Variants in WWP2 observed in about 807,000 individuals in gnomAD.
WWP2 encodes the protein NEDD4-like E3 ubiquitin-protein ligase WWP2.
A neutral mutation model predicts 121.0 loss-of-function variants in WWP2; 57 were observed. The ratio of observed to expected loss-of-function variants is 0.47; its 90% CI spans 0.38 to 0.59. The LOEUF is 0.59. WWP2 is among the 20% of genes least tolerant of loss of function. The pLI, the probability that WWP2 is intolerant of heterozygous loss-of-function variation, is 0.00. For synonymous variants in WWP2, 449 were observed against 441.3 expected, an observed-to-expected ratio of 1.02 and a Z score of -0.22; for missense variants, 962 against 1,158.9, an observed-to-expected ratio of 0.83 and a Z score of 2.47.
At chr16:69,883,712 T>A (rs1449055580) in intron 7 of WWP2, among the ~76,000 whole-genome samples, 1 of 152,134 alleles carries the variant, frequency 6.6e-6, no homozygotes, top group Admixed American at 6.6e-5. Flanking sequence ...TTCTTTCTGA[T>A]GCTCTCCCTC....
chr16:69,925,152 T>G lies in WWP2; in HGVS notation c.1180-278T>G, dbSNP rs1024604185. Reference sequence around the variant, plus strand: ...CCTGCCTCCGCCACCCTGGCACACCTTCACCCGCGTACCGCCTCCTCCCCG... The same window carrying G: ...CCTGCCTCCGCCACCCTGGCACACCGTCACCCGCGTACCGCCTCCTCCCCG... On this transcript the variant is annotated intron_variant, in intron 10 of 23. Coordinates refer to ENST00000359154, the MANE Select transcript of WWP2 (RefSeq NM_001270454.2). This position sits in a 1 kb window ranked among gnomAD's most constrained non-coding sequence, Gnocchi z 4.0. 2 of 1,199,974 alleles carry G rather than the reference T, an allele frequency of 1.7e-6. No homozygotes were observed. The highest frequency in any genetic ancestry group is 1.0e-6 in the Non-Finnish European group (1 of 962,266). 74.3% of individuals were successfully genotyped at this position (1,199,974 alleles called of 1,614,324 possible). A position where few individuals can be genotyped will look rare whatever the true frequency, so the allele number is the denominator to read the frequency against.
At chr16:69,905,395 T>C (rs143191483) in intron 8 of WWP2, among the ~76,000 whole-genome samples, 2 of 152,232 alleles carry the variant, frequency 1.3e-5, no homozygotes, top group East Asian at 1.9e-4. Context: ...GAGCAGAAGA[T>C]TGTGATTAAA....
chr16:69,816,218 T>G lies in WWP2; in HGVS notation c.340+16923T>G, dbSNP rs568476712. Among the ~76,000 whole-genome samples the G allele has an allele frequency of 1.1e-4, 17 of 152,208 alleles. No homozygotes were observed. The South Asian group carries it at 3.5e-3, about 32-fold the overall frequency. ...TTCTCTTGCTCCCTAAATTGAACAT[T>G]ATTATTAATATTTTGTATGACTGTA... On this transcript the variant is annotated intron_variant, in intron 4 of 23. Transcript: ENST00000359154.
intron 4 of WWP2, among the ~76,000 whole-genome samples, chr16:69,806,645 AT>A (rs960243885): frequency 1.3e-5 from 2 of 151,426 alleles, no homozygotes; most frequent in African/African-American, 4.9e-5. Flanking sequence ...TTGTTAACTC[AT>A]TTTTTTCTGA....
chr16:69,798,039 T>C (rs1176028168), intron 2 of WWP2, among the ~76,000 whole-genome samples: 1 of 152,216 alleles, frequency 6.6e-6, no homozygotes, highest in Non-Finnish European at 1.5e-5. Flanking sequence ...CTTTACACCA[T>C]GCGTTTTTAA....
intron 10 of WWP2, among the ~76,000 whole-genome samples, chr16:69,918,884 C>G (rs1168274197): frequency 1.4e-5 from 2 of 145,024 alleles, no homozygotes; most frequent in Non-Finnish European, 3.0e-5. Context: ...TGCTCTGTTG[C>G]CCATGCTGGA....
At position 69,796,528 on chromosome 16, in the gene WWP2, G is replaced by A. The variant is rs76982134; in HGVS notation, c.71-2154G>A. On this transcript the variant is annotated intron_variant, in intron 2 of 23. Transcript: ENST00000359154. The stretch of plus-strand genomic sequence containing the variant: ...CTCACTGCCGCTGCCCAGTAGTACC[G>A]CATATGACTATTCTGCGAAAAGACC... Among the ~76,000 whole-genome samples, 297 of 152,330 alleles carry A rather than the reference G, an allele frequency of 1.9e-3. 1 individual carries two copies. The highest frequency in any genetic ancestry group is 6.8e-3 in the African/African-American group (284 of 41,572).
chr16:69,830,620 A>G (rs1437911584), intron 4 of WWP2, among the ~76,000 whole-genome samples: 1 of 152,108 alleles, frequency 6.6e-6, no homozygotes, highest in African/African-American at 2.4e-5. Context: ...ACCCTGCCAG[A>G]GTGTGAGTGT....
At chr16:69,829,756 C>T (rs1306404626) in intron 4 of WWP2, among the ~76,000 whole-genome samples, 2 of 152,182 alleles carry the variant, frequency 1.3e-5, no homozygotes, top group East Asian at 1.9e-4. Flanking sequence ...ACTTCCACTT[C>T]TCCCACTGAA....
chr16:69,838,057 A>G (rs1041046906), intron 4 of WWP2, among the ~76,000 whole-genome samples: 2 of 152,110 alleles, frequency 1.3e-5, no homozygotes, highest in Non-Finnish European at 2.9e-5. Context: ...CCATGTCTCT[A>G]TAAAAAAAAA....
Position 69,937,088 on chromosome 16 carries a change from A to G in WWP2, c.2118-30A>G. ...GCCACCCCTGAGCAGTGGGTCTCAG[A>G]CTCCACCCATGGCTGCTCTTTGGTC... On this transcript the variant is annotated intron_variant, in intron 19 of 23. Transcript: ENST00000359154. The surrounding 1 kb of genome is among the most constrained non-coding windows in gnomAD (Gnocchi z 6.6). The G allele has an allele frequency of 6.2e-7, 1 of 1,611,226 alleles. No homozygotes were observed.
At chr16:69,822,513 CTT>C (rs1421562404) in intron 4 of WWP2, among the ~76,000 whole-genome samples, 1 of 151,988 alleles carries the variant, frequency 6.6e-6, no homozygotes, top group Admixed American at 6.6e-5. Context: ...TCATGGGAGA[CTT>C]TGCCTGGCCT....
intron 7 of WWP2, among the ~76,000 whole-genome samples, chr16:69,884,160 G>A (rs1377974921): frequency 3.3e-5 from 5 of 152,182 alleles, no homozygotes; most frequent in Admixed American, 2.6e-4. Flanking sequence ...ACACACATGT[G>A]TATGCACACA....
At chr16:69,866,288 T>C in intron 6 of WWP2, among the ~76,000 whole-genome samples, 1 of 144,584 alleles carries the variant, frequency 6.9e-6, no homozygotes, top group South Asian at 2.1e-4. Context: ...ATTTATTTAT[T>C]TATTTATTTA....
At chr16:69,858,198 G>A (rs138940898) in intron 6 of WWP2, among the ~76,000 whole-genome samples, 2,959 of 152,082 alleles carry the variant, frequency 0.019, 42 homozygotes, top group Non-Finnish European at 0.031. Flanking sequence ...GGAGACTTCC[G>A]AGGAGTTATT....
chr16:69,813,183 A>T (rs1181521647), intron 4 of WWP2, among the ~76,000 whole-genome samples: 1 of 134,368 alleles, frequency 7.4e-6, no homozygotes, highest in Admixed American at 7.8e-5. Context: ...TTTTTTTGAG[A>T]TGGAGTTTTG....
In WWP2 at chr16:69,820,823, TATACAC is replaced by T. The variant is rs758836126; in HGVS notation, c.341-19301_341-19296del. On this transcript the variant is annotated intron_variant, in intron 4 of 23. Coordinates refer to ENST00000359154, the MANE Select transcript of WWP2 (RefSeq NM_001270454.2). ...CAACACAAAACCATGAATACATGCA[TATACAC>T]ACACACACACACACACACACACACA... Among the ~76,000 whole-genome samples, 1,047 of 122,938 alleles carry T rather than the reference TATACAC, an allele frequency of 8.5e-3. 8 individuals are homozygous for T. Among genetic ancestry groups the T allele is most frequent in the Admixed American group, 0.018 (194 of 10,958 alleles). 80.7% of individuals were successfully genotyped at this position (122,938 alleles called of 152,430 possible). A position where few individuals can be genotyped will look rare whatever the true frequency, so the allele number is the denominator to read the frequency against.
At chr16:69,911,719 TG>T (rs1237176464) in intron 9 of WWP2, among the ~76,000 whole-genome samples, 1 of 152,180 alleles carries the variant, frequency 6.6e-6, no homozygotes, top group African/African-American at 2.4e-5. Context: ...ACATGTGGCT[TG>T]AACATGTGTT....
At chr16:69,800,568 C>CT (rs11308765) in intron 4 of WWP2, among the ~76,000 whole-genome samples, 64 of 139,718 alleles carry the variant, frequency 4.6e-4, no homozygotes, top group South Asian at 9.2e-4. Context: ...ATTGTTTTTT[C>CT]TTTTTTTTTT....
Sources: gnomAD v4.1 joint callset for allele counts (sites outside exome capture counted in the v4.1 genomes callset) on GRCh38, gnomAD v4.1.1 for gene constraint, Gnocchi (gnomAD v3.1) non-coding constraint, MANE v1.5 for transcripts, NCBI Gene and HGNC (gene_info 2026-07-23, HGNC 2026-07-21) for gene names.